The following MAPRE2 variants were observed in gnomAD, a reference collection of about 807,000 sequenced individuals.
MAPRE2 encodes microtubule-associated protein RP/EB family member 2.
In MAPRE2, 13 loss-of-function variants were observed where a neutral mutation model predicts 43.2. That is an observed-to-expected ratio of 0.30 (90% CI 0.20 to 0.48). MAPRE2 has a LOEUF of 0.48. MAPRE2 is among the 20% of genes least tolerant of loss of function. The pLI, the probability that MAPRE2 is intolerant of heterozygous loss-of-function variation, is 0.99. For synonymous variants in MAPRE2, 135 were observed against 148.8 expected, an observed-to-expected ratio of 0.91 and a Z score of 0.68; for missense variants, 161 against 400.2, an observed-to-expected ratio of 0.40 and a Z score of 5.10.
At chr18:35,090,228 A>T (rs1695904763) in intron 2 of MAPRE2, among the ~76,000 whole-genome samples, 1 of 152,194 alleles carries the variant, frequency 6.6e-6, no homozygotes, top group Non-Finnish European at 1.5e-5. Flanking sequence ...CAATGGATGA[A>T]CAATTCTGTG....
chr18:35,102,251 T>C, intron 4 of MAPRE2, 92 bp downstream of exon 4: 1 of 898,890 alleles, frequency 1.1e-6, no homozygotes, highest in African/African-American at 1.7e-5. Flanking sequence ...GACTGATTCT[T>C]CTCAACAGTC....
chr18:35,100,812 G>A (rs1025545043), intron 3 of MAPRE2, among the ~76,000 whole-genome samples: 8 of 152,058 alleles, frequency 5.3e-5, no homozygotes, highest in Non-Finnish European at 7.4e-5. Context: ...AGGCCGAGGC[G>A]GGTGGATCAC....
At chr18:35,019,840 G>A (rs183736074) in intron 2 of MAPRE2, among the ~76,000 whole-genome samples, 37 of 152,078 alleles carry the variant, frequency 2.4e-4, no homozygotes, top group African/African-American at 7.2e-4. Context: ...CTATTACAGC[G>A]TGGAATTCCT....
chr18:35,104,317 G>A, intron 4 of MAPRE2, among the ~76,000 whole-genome samples: 1 of 152,130 alleles, frequency 6.6e-6, no homozygotes, highest in Non-Finnish European at 1.5e-5. Context: ...GGCAGTAAGA[G>A]TAGATTCAAC....
intron 2 of MAPRE2, among the ~76,000 whole-genome samples, chr18:35,006,421 CT>C (rs1217517476): frequency 6.6e-6 from 1 of 152,136 alleles, no homozygotes; most frequent in Non-Finnish European, 1.5e-5. Context: ...AAACCTCATT[CT>C]TGAATAGTAA....
chr18:35,130,066 T>C (rs1006169574), intron 5 of MAPRE2, among the ~76,000 whole-genome samples: 1 of 152,174 alleles, frequency 6.6e-6, no homozygotes, highest in Non-Finnish European at 1.5e-5. Context: ...CTCAGCTATG[T>C]GTTCATTGTG....
At chr18:35,036,230 C>A (rs1212493730) in intron 2 of MAPRE2, among the ~76,000 whole-genome samples, 1 of 152,036 alleles carries the variant, frequency 6.6e-6, no homozygotes, top group Non-Finnish European at 1.5e-5. Flanking sequence ...GCATCCACAT[C>A]CAATTAGTCA....
At position 35,058,502 on chromosome 18, in the gene MAPRE2, G is replaced by A. The variant is rs117881637; in HGVS notation, c.123-11693G>A. On this transcript the variant is annotated intron_variant, in intron 1 of 6. Transcript: ENST00000300249. Reference sequence around the variant, plus strand: ...TTGAAAAAATTATAAGCAGTATAATGTACATGGTCTCTGTCCATTTTGACT... The same window carrying A: ...TTGAAAAAATTATAAGCAGTATAATATACATGGTCTCTGTCCATTTTGACT... Among the ~76,000 whole-genome samples, 6 of 152,156 alleles carry A rather than the reference G, an allele frequency of 3.9e-5. No individual in the cohort carries two copies. In the East Asian group the frequency reaches 9.7e-4, roughly 25 times the overall value.
intron 4 of MAPRE2, among the ~76,000 whole-genome samples, chr18:35,104,674 T>G (rs1443888084): frequency 6.6e-6 from 1 of 152,110 alleles, no homozygotes; most frequent in Non-Finnish European, 1.5e-5. Context: ...TGGGTAAAAA[T>G]TAAGCCACAA....
At chr18:35,020,472 C>A (rs749551229) in intron 2 of MAPRE2, among the ~76,000 whole-genome samples, 1 of 151,538 alleles carries the variant, frequency 6.6e-6, no homozygotes, top group Non-Finnish European at 1.5e-5. Flanking sequence ...AACATTACTT[C>A]GGTTTATAAG....
At chr18:35,018,719 T>G (rs1001204148) in intron 2 of MAPRE2, among the ~76,000 whole-genome samples, 25 of 151,956 alleles carry the variant, frequency 1.6e-4, no homozygotes, top group Non-Finnish European at 3.4e-4. Context: ...TCTTTTTTTC[T>G]GTGTTAATAT....
At chr18:35,065,374 A>C (rs535671024) in intron 1 of MAPRE2, among the ~76,000 whole-genome samples, 1 of 151,988 alleles carries the variant, frequency 6.6e-6, no homozygotes, top group African/African-American at 2.4e-5. Context: ...GTGTGTAACT[A>C]TATTGTGATT....
chr18:35,010,175 C>T (rs979858018), intron 2 of MAPRE2, among the ~76,000 whole-genome samples: 1 of 152,190 alleles, frequency 6.6e-6, no homozygotes, highest in African/African-American at 2.4e-5. Flanking sequence ...TCACTTGAGG[C>T]CAGGGGTTCA....
At position 35,070,202 on chromosome 18, in the gene MAPRE2, A is replaced by G. The variant is rs1907039083; in HGVS notation, c.130A>G (p.Met44Val). ...ACTTTGTTTTTTTTCTAGTTGGGGA[A>G]TGGCGGTCAATGTGTATTCTACCTC... The part of the protein sequence containing the change: ...VRGERSYSWG[M>V]AVNVYSTSIT... Residue 44 changes from methionine to valine, a missense_variant, in exon 2 of 7, where the codon ATG (methionine) becomes GTG (valine). By Grantham distance (21) the Met-to-Val change is conservative. Transcript: ENST00000300249. 3.8e-6 allele frequency: 6 copies of G among 1,585,118 alleles called. No homozygotes were observed. Among genetic ancestry groups the G allele is most frequent in the Non-Finnish European group, 4.3e-6 (5 of 1,170,404 alleles).
chr18:34,979,307 C>T (rs948778941), intron 1 of MAPRE2, among the ~76,000 whole-genome samples: 5 of 152,168 alleles, frequency 3.3e-5, no homozygotes, highest in Non-Finnish European at 1.5e-5. Context: ...AGTAGGAAAA[C>T]CCAGCAGAAA....
chr18:34,993,113 G>A (rs1225363489), intron 1 of MAPRE2, among the ~76,000 whole-genome samples: 1 of 152,108 alleles, frequency 6.6e-6, no homozygotes, highest in Non-Finnish European at 1.5e-5. Flanking sequence ...ATTTATAAAT[G>A]AATGAATGAG....
At chr18:35,058,772 G>A (rs1486066853) in intron 1 of MAPRE2, among the ~76,000 whole-genome samples, 1 of 135,884 alleles carries the variant, frequency 7.4e-6, no homozygotes, top group African/African-American at 2.7e-5. Flanking sequence ...ATGAGATCTT[G>A]GTAGAATTTA....
intron 2 of MAPRE2, among the ~76,000 whole-genome samples, chr18:35,016,872 T>A (rs1444072308): frequency 1.3e-5 from 2 of 152,058 alleles, no homozygotes; most frequent in African/African-American, 4.8e-5. Flanking sequence ...TCATAAATTA[T>A]TCCTCAAGGT....
At chr18:35,097,171 T>G (rs1452463704) in intron 2 of MAPRE2, among the ~76,000 whole-genome samples, 1 of 152,234 alleles carries the variant, frequency 6.6e-6, no homozygotes. Context: ...GTTCTGTTGG[T>G]TGGTTGTGGA....
Sources: allele counts gnomAD v4.1 joint callset (sites outside exome capture counted in the v4.1 genomes callset), GRCh38; gene constraint gnomAD v4.1.1; transcripts MANE v1.5; gene names NCBI Gene and HGNC (gene_info 2026-07-23, HGNC 2026-07-21).